KHDRBS2: variants seen among roughly 807,000 people sequenced by gnomAD.
KHDRBS2 encodes KH RNA binding domain containing, signal transduction associated 2, also known as KH domain-containing, RNA-binding, signal transduction-associated protein 2.
In KHDRBS2, 26 loss-of-function variants were observed where a neutral mutation model predicts 44.3. The ratio of observed to expected loss-of-function variants is 0.59; its 90% CI spans 0.43 to 0.81. KHDRBS2 has a LOEUF of 0.81. KHDRBS2 is among the 40% of genes least tolerant of loss of function. The pLI is 0.00. For missense variants in KHDRBS2, 476 were observed against 433.1 expected (o/e 1.10, Z -0.88); for synonymous variants, 194 against 151.1 (o/e 1.28, Z -2.08).
chr6:62,072,589 T>C (rs1452432402), intron 2 of KHDRBS2, among the ~76,000 whole-genome samples: 8 of 152,182 alleles, frequency 5.3e-5, no homozygotes, highest in South Asian at 4.1e-4. Context: ...TCTGCATCTA[T>C]TGAGATAGTC....
chr6:61,891,512 C>T (rs1003190135), intron 6 of KHDRBS2, among the ~76,000 whole-genome samples: 4 of 152,098 alleles, frequency 2.6e-5, no homozygotes, highest in Admixed American at 2.6e-4. Context: ...GGAATGGTAC[C>T]AGCTCCTCCT....
At chr6:61,692,492 T>C (rs1435273586) in intron 8 of KHDRBS2, among the ~76,000 whole-genome samples, 1 of 151,962 alleles carries the variant, frequency 6.6e-6, no homozygotes, top group African/African-American at 2.4e-5. Context: ...TATTAAATTA[T>C]TTGCAAAGAT....
intron 3 of KHDRBS2, among the ~76,000 whole-genome samples, chr6:62,028,349 G>A (rs1270398795): frequency 1.3e-5 from 2 of 152,054 alleles, no homozygotes; most frequent in Admixed American, 6.6e-5. Context: ...TAAGACTTAA[G>A]ATTCCTATTA....
the KHDRBS2 span, among the ~76,000 whole-genome samples, chr6:61,605,215 C>T: frequency 6.6e-6 from 1 of 152,122 alleles, no homozygotes; most frequent in Non-Finnish European, 1.5e-5. Flanking sequence ...AGACACCAGA[C>T]CAACTTGGAC....
At chr6:61,623,386 C>T in the KHDRBS2 span, among the ~76,000 whole-genome samples, 1 of 152,028 alleles carries the variant, frequency 6.6e-6, no homozygotes, top group East Asian at 1.9e-4. Context: ...TTAGTGGGAA[C>T]ATTATAACAC....
At chr6:62,082,436 G>A (rs1397766369) in intron 2 of KHDRBS2, among the ~76,000 whole-genome samples, 1 of 151,818 alleles carries the variant, frequency 6.6e-6, no homozygotes. Context: ...TTGAGTTGAA[G>A]ATGAAGGAAA....
the KHDRBS2 span, among the ~76,000 whole-genome samples, chr6:61,575,476 G>T: frequency 2.0e-5 from 3 of 152,044 alleles, no homozygotes; most frequent in South Asian, 6.2e-4. Flanking sequence ...GCACGTAAAT[G>T]GTAAAAAGCA....
chr6:62,283,042 T>C (rs76823624), intron 1 of KHDRBS2, among the ~76,000 whole-genome samples: 4,588 of 152,196 alleles, frequency 0.03, 177 homozygotes, highest in African/African-American at 0.099. Context: ...ATTCAGACAC[T>C]GAGTAGAACT....
chr6:62,090,352 A>C (rs1376110570), intron 2 of KHDRBS2, among the ~76,000 whole-genome samples: 4 of 152,190 alleles, frequency 2.6e-5, no homozygotes, highest in Non-Finnish European at 5.9e-5. Context: ...GTCTCAGGAA[A>C]ACAGAATAAA....
chr6:61,925,349 A>G (rs550843764), intron 4 of KHDRBS2, among the ~76,000 whole-genome samples: 2 of 152,202 alleles, frequency 1.3e-5, no homozygotes, highest in Non-Finnish European at 2.9e-5. Context: ...TAGAGATGTT[A>G]AGGAATAAAT....
At chr6:61,679,822 A>G (rs1346416676), downstream of KHDRBS2, 1 of 151,964 alleles carries the variant, frequency 6.6e-6, no homozygotes, top group Admixed American at 6.6e-5. Context: ...GGGAAACTCA[A>G]AGGTTGAAGA....
chr6:61,846,145 G>C (rs992726416), intron 6 of KHDRBS2, among the ~76,000 whole-genome samples: 5 of 152,248 alleles, frequency 3.3e-5, no homozygotes, highest in Admixed American at 6.5e-5. Flanking sequence ...TGCTTCACCT[G>C]TACAGCCTGC....
intron 1 of KHDRBS2, among the ~76,000 whole-genome samples, chr6:62,216,602 G>A (rs1188737989): frequency 6.6e-6 from 1 of 151,484 alleles, no homozygotes; most frequent in African/African-American, 2.4e-5. Context: ...GATGCACTGA[G>A]ATGGTGGTGG....
chr6:62,187,037 T>C (rs964260628), intron 1 of KHDRBS2, among the ~76,000 whole-genome samples: 1 of 152,106 alleles, frequency 6.6e-6, no homozygotes, highest in African/African-American at 2.4e-5. Flanking sequence ...ATAAGAAAAG[T>C]AGCAGATCTT....
intron 5 of KHDRBS2, among the ~76,000 whole-genome samples, chr6:61,900,692 GGCT>G (rs1163250630): frequency 6.6e-6 from 1 of 151,988 alleles, no homozygotes; most frequent in African/African-American, 2.4e-5. Flanking sequence ...TGGCTTTCTG[GGCT>G]GATGGCATAT....
chr6:61,836,368 T>A (rs927720806), intron 6 of KHDRBS2, among the ~76,000 whole-genome samples: 4 of 151,962 alleles, frequency 2.6e-5, no homozygotes, highest in African/African-American at 9.7e-5. Flanking sequence ...GTTTCATACT[T>A]TTTCATTGTG....
intron 6 of KHDRBS2, among the ~76,000 whole-genome samples, chr6:61,874,037 T>G (rs915416756): frequency 2.6e-5 from 4 of 152,068 alleles, no homozygotes; most frequent in African/African-American, 9.7e-5. Flanking sequence ...TCTCTCTATA[T>G]ATAATTCTTC....
intron 6 of KHDRBS2, among the ~76,000 whole-genome samples, chr6:61,746,587 G>C (rs1776892627): frequency 6.6e-6 from 1 of 152,020 alleles, no homozygotes; most frequent in African/African-American, 2.4e-5. Context: ...CCATGATTTT[G>C]CTATTGTAAA....
intron 6 of KHDRBS2, among the ~76,000 whole-genome samples, chr6:61,760,859 A>T (rs1562111908): frequency 6.6e-6 from 1 of 152,218 alleles, no homozygotes; most frequent in African/African-American, 2.4e-5. Flanking sequence ...TTATTCAATG[A>T]CACATTTGGA....
Sources: allele counts gnomAD v4.1 joint callset (sites outside exome capture counted in the v4.1 genomes callset), GRCh38; gene constraint gnomAD v4.1.1; transcripts MANE v1.5; gene names NCBI Gene and HGNC (gene_info 2026-07-23, HGNC 2026-07-21).